Variants in PIEZO2 observed in about 807,000 individuals in gnomAD.
PIEZO2 encodes piezo-type mechanosensitive ion channel component 2.
In PIEZO2, 172 loss-of-function variants were observed where a neutral mutation model predicts 337.3. That is an observed-to-expected ratio of 0.51 (90% CI 0.45 to 0.58). The LOEUF (loss-of-function observed/expected upper bound fraction) is 0.58, where lower values mean the gene tolerates loss of function less well. PIEZO2 is among the 20% of genes least tolerant of loss of function. The probability of loss-of-function intolerance (pLI) is 0.00; values close to 1 mark genes in which losing one functional copy is unlikely to be tolerated. For synonymous variants in PIEZO2, 1,251 were observed against 1,228.5 expected, an observed-to-expected ratio of 1.02 and a Z score of -0.38; for missense variants, 3,028 against 3,391.3, an observed-to-expected ratio of 0.89 and a Z score of 2.66.
intron 42 of PIEZO2, among the ~76,000 whole-genome samples, chr18:10,703,673 T>A (rs1337196908): frequency 6.6e-6 from 1 of 151,770 alleles, no homozygotes. Flanking sequence ...ACCAAGAATA[T>A]CGAGCTTTTT....
At chr18:10,790,590 CT>C (rs2039374533) in intron 14 of PIEZO2, among the ~76,000 whole-genome samples, 1 of 152,030 alleles carries the variant, frequency 6.6e-6, no homozygotes, top group Non-Finnish European at 1.5e-5. Context: ...AAAGATGTGA[CT>C]TAGCTTCTTG....
At chr18:10,825,213 C>T (rs900865614) in intron 7 of PIEZO2, among the ~76,000 whole-genome samples, 2 of 152,162 alleles carry the variant, frequency 1.3e-5, no homozygotes, top group East Asian at 3.9e-4. Flanking sequence ...TGCTGCATTA[C>T]ATTTAATCAT....
chr18:10,981,743 A>T (rs2034674076), intron 2 of PIEZO2, among the ~76,000 whole-genome samples: 1 of 152,240 alleles, frequency 6.6e-6, no homozygotes, highest in Admixed American at 6.5e-5. Context: ...CCATTTAATC[A>T]GCTGCCAATG....
chr18:10,906,237 T>A (rs557085962), intron 4 of PIEZO2, among the ~76,000 whole-genome samples: 6 of 152,198 alleles, frequency 3.9e-5, no homozygotes, highest in Non-Finnish European at 7.3e-5. Flanking sequence ...TGTTCCACTA[T>A]CCAAGTGGAG....
Position 10,682,124 on chromosome 18 carries a change from T to G in PIEZO2, c.7666A>C (p.Ile2556Leu), listed in dbSNP as rs2034293550. ...INQPLDVSVTITLGGYQPIFT... is the reference protein window; with the variant it reads ...INQPLDVSVTLTLGGYQPIFT... ...ATCACCTGATACCCTCCCAGGGTAA[T>G]TGTGACGGAGACGTCCAGGGGCTGG... is the stretch of plus-strand genomic sequence containing the variant. The change falls in exon 50 of 56, where the codon ATT becomes CTT. Residue 2556 changes from isoleucine (I) to leucine (L), a missense_variant. Physicochemically the swap from Ile to Leu is conservative, Grantham distance 5. Around this residue, in one of 5 missense-constraint regions of PIEZO2, gnomAD observed 179 missense variants for 281.8 expected, o/e 0.64. Transcript: ENST00000674853. This position sits in a 1 kb window ranked among gnomAD's most constrained non-coding sequence, Gnocchi z 5.6. 6.5e-7 allele frequency: 1 copy of G among 1,536,640 alleles called. No individual in the cohort carries two copies. The highest frequency in any genetic ancestry group is 1.4e-5 in the African/African-American group (1 of 72,978).
chr18:11,089,369 C>T (rs893492101), intron 1 of PIEZO2, among the ~76,000 whole-genome samples: 1 of 152,082 alleles, frequency 6.6e-6, no homozygotes, highest in Non-Finnish European at 1.5e-5. Context: ...CAAGCACTTT[C>T]AACAGAAAAG....
In PIEZO2 at chr18:10,726,624, CTGGGAG is replaced by C; in HGVS notation, c.5029+4777_5029+4782del. On this transcript the variant is annotated intron_variant, in intron 36 of 55. Coordinates refer to ENST00000674853, the MANE Select transcript of PIEZO2 (RefSeq NM_001378183.1). This position sits in a 1 kb window ranked among gnomAD's most constrained non-coding sequence, Gnocchi z 5.9. ...GCTACGTGCGGGACGCCGACGTGCG[CTGGGAG>C]TACTGCGCGCGCGCCAAGCGCGGCC... is the stretch of plus-strand genomic sequence containing the variant. 1 of 716,050 alleles carries C rather than the reference CTGGGAG, an allele frequency of 1.4e-6. No homozygotes were observed. Among genetic ancestry groups the C allele is most frequent in the South Asian group, 2.3e-5 (1 of 43,646 alleles). The allele number at this position is 716,050 out of a possible 1,614,324, so 44.4% of individuals were successfully genotyped here.
At position 10,850,545 on chromosome 18, in the gene PIEZO2, A is replaced by G. The variant is rs2041514785; in HGVS notation, c.917+4808T>C. On this transcript the variant is annotated intron_variant, in intron 7 of 55. Coordinates refer to ENST00000674853, the MANE Select transcript of PIEZO2 (RefSeq NM_001378183.1). This position sits in a 1 kb window ranked among gnomAD's most constrained non-coding sequence, Gnocchi z 4.5. ...GTGGGCACTTGTTGCAGCCTTATTCATGAGAACAAAAATGAGAAATCATCT... is the reference window on the plus strand; with the variant it reads ...GTGGGCACTTGTTGCAGCCTTATTCGTGAGAACAAAAATGAGAAATCATCT... 6.6e-6 allele frequency among the ~76,000 whole-genome samples: 1 copy of G among 152,206 alleles called. No individual in the cohort carries two copies. The highest frequency in any genetic ancestry group is 6.5e-5 in the Admixed American group (1 of 15,282).
intron 36 of PIEZO2, among the ~76,000 whole-genome samples, chr18:10,730,235 C>A (rs1042784254): frequency 6.6e-6 from 1 of 152,188 alleles, no homozygotes. Context: ...TATGTAAGTA[C>A]TTATCTTCCT....
In PIEZO2 at chr18:11,035,572, T is replaced by C. The variant is rs2036900919; in HGVS notation, c.160+30555A>G. Among the ~76,000 whole-genome samples the C allele has an allele frequency of 6.6e-6, 1 of 152,146 alleles. No homozygotes were observed. ...ACTCCTCTTGCCAGCAGGGGACACA[T>C]GCAATTTACTTGGCAGCTACCACAC... On this transcript the variant is annotated intron_variant, in intron 2 of 55. Coordinates refer to ENST00000674853, the MANE Select transcript of PIEZO2 (RefSeq NM_001378183.1). The surrounding 1 kb of genome is among the most constrained non-coding windows in gnomAD (Gnocchi z 4.3).
At chr18:10,949,216 T>C (rs2033172228) in intron 3 of PIEZO2, among the ~76,000 whole-genome samples, 1 of 152,260 alleles carries the variant, frequency 6.6e-6, no homozygotes, top group Non-Finnish European at 1.5e-5. Flanking sequence ...TTTTTCTCAT[T>C]TCCTGCCAGT....
chr18:11,082,665 T>TA (rs2038790305), intron 1 of PIEZO2, among the ~76,000 whole-genome samples: 1 of 152,192 alleles, frequency 6.6e-6, no homozygotes, highest in Non-Finnish European at 1.5e-5. Context: ...GAGAAACAAA[T>TA]AATTCTTAAA....
intron 8 of PIEZO2, among the ~76,000 whole-genome samples, chr18:10,805,007 G>T (rs2039951796): frequency 6.6e-6 from 1 of 152,068 alleles, no homozygotes; most frequent in African/African-American, 2.4e-5. Context: ...AGCCTAGAAG[G>T]TCTTCCCGGC....
intron 42 of PIEZO2, among the ~76,000 whole-genome samples, chr18:10,703,940 G>T (rs561205036): frequency 6.6e-6 from 1 of 152,170 alleles, no homozygotes; most frequent in African/African-American, 2.4e-5. Flanking sequence ...CAAAGTGCCG[G>T]ACTGTATGAT....
intron 7 of PIEZO2, among the ~76,000 whole-genome samples, chr18:10,810,650 T>TA (rs890740304): frequency 6.6e-6 from 1 of 152,174 alleles, no homozygotes; most frequent in Non-Finnish European, 1.5e-5. Flanking sequence ...GGGTTTACCA[T>TA]AAAATCTCAA....
chr18:10,723,346 C>T (rs1045068635), intron 36 of PIEZO2, among the ~76,000 whole-genome samples: 12 of 151,924 alleles, frequency 7.9e-5, no homozygotes, highest in Admixed American at 7.9e-4. Context: ...TTGATCAGAT[C>T]AATTTGGATG....
chr18:10,940,639 G>A lies in PIEZO2; in HGVS notation c.287-29411C>T, dbSNP rs916373681. On this transcript the variant is annotated intron_variant, in intron 3 of 55. Transcript: ENST00000674853. The surrounding 1 kb of genome is among the most constrained non-coding windows in gnomAD (Gnocchi z 5.3). ...AACACTTCGAGAGGCCCAGGCGGGC[G>A]GCTCACAAGGCCAAGTGATTGAGAC... 6.6e-5 allele frequency among the ~76,000 whole-genome samples: 10 copies of A among 152,172 alleles called. No individual in the cohort carries two copies. Among genetic ancestry groups the A allele is most frequent in the African/African-American group, 1.2e-4 (5 of 41,440 alleles).
chr18:10,808,873 C>T (rs1176584877), intron 7 of PIEZO2, among the ~76,000 whole-genome samples: 1 of 152,226 alleles, frequency 6.6e-6, no homozygotes, highest in African/African-American at 2.4e-5. Context: ...TAAGTGACAG[C>T]TCTTCCAGCC....
In PIEZO2 at chr18:10,969,583, A is replaced by T. The variant is rs2034152657; in HGVS notation, c.286+9952T>A. 6.6e-6 allele frequency among the ~76,000 whole-genome samples: 1 copy of T among 152,198 alleles called. No homozygotes were observed. The highest frequency in any genetic ancestry group is 2.1e-4 in the South Asian group (1 of 4,828). ...TTTTCCCAAATCCAAATGGAAATCC[A>T]AATTTTTTTTTGCGAAGGAAATAAA... On this transcript the variant is annotated intron_variant, in intron 3 of 55. Transcript: ENST00000674853. The surrounding 1 kb of genome is among the most constrained non-coding windows in gnomAD (Gnocchi z 4.5).
Sources: gnomAD v4.1 joint callset for allele counts (sites outside exome capture counted in the v4.1 genomes callset) on GRCh38, gnomAD v4.1.1 for gene constraint, gnomAD v4.1.1 regional missense constraint, Gnocchi (gnomAD v3.1) non-coding constraint, MANE v1.5 for transcripts, NCBI Gene and HGNC (gene_info 2026-07-23, HGNC 2026-07-21) for gene names.